The following PRKG1 variants were observed in gnomAD, a reference collection of about 807,000 sequenced individuals.
The protein encoded by PRKG1 is protein kinase cGMP-dependent 1.
A neutral mutation model predicts 88.1 loss-of-function variants in PRKG1; 35 were observed. That is an observed-to-expected ratio of 0.40 (90% confidence interval 0.30 to 0.53). The LOEUF (loss-of-function observed/expected upper bound fraction) is 0.53. PRKG1 is among the 20% of genes least tolerant of loss of function. The pLI is 0.59. For synonymous variants in PRKG1, 303 were observed against 292.5 expected (o/e 1.04, Z -0.37); for missense variants, 540 against 839.8 (o/e 0.64, Z 4.41).
At chr10:51,242,657 G>A (rs1225310675) in intron 2 of PRKG1, among the ~76,000 whole-genome samples, 1 of 152,112 alleles carries the variant, frequency 6.6e-6, no homozygotes, top group Non-Finnish European at 1.5e-5. Context: ...AAATGCAATT[G>A]CTATGTTGAT....
chr10:52,234,795 G>A (rs2132360052), intron 9 of PRKG1, among the ~76,000 whole-genome samples: 2 of 91,732 alleles, frequency 2.2e-5, no homozygotes, highest in Admixed American at 1.1e-4. Context: ...CCAACATTCA[G>A]ATTCAGGAAA....
At chr10:51,272,037 G>C (rs1839992643) in intron 2 of PRKG1, among the ~76,000 whole-genome samples, 3 of 152,194 alleles carry the variant, frequency 2.0e-5, no homozygotes, top group African/African-American at 7.2e-5. Flanking sequence ...CCCACGAACA[G>C]TGTAAAAGGG....
At chr10:51,325,617 T>G (rs1376599236) in intron 2 of PRKG1, among the ~76,000 whole-genome samples, 1 of 152,230 alleles carries the variant, frequency 6.6e-6, no homozygotes, top group Non-Finnish European at 1.5e-5. Flanking sequence ...TTTTAGCCCA[T>G]TGTAATTCCA....
At chr10:51,789,914 T>G (rs999793567) in intron 3 of PRKG1, among the ~76,000 whole-genome samples, 3 of 151,964 alleles carry the variant, frequency 2.0e-5, no homozygotes, top group African/African-American at 7.2e-5. Context: ...CTCTGCCTCC[T>G]GGGTTCAAGC....
At chr10:51,222,796 A>G (rs1188511423) in intron 2 of PRKG1, among the ~76,000 whole-genome samples, 6 of 152,066 alleles carry the variant, frequency 3.9e-5, no homozygotes, top group African/African-American at 1.4e-4. Flanking sequence ...CCTGCCCACA[A>G]CACCCCCTCT....
intron 5 of PRKG1, among the ~76,000 whole-genome samples, chr10:52,042,744 C>G (rs1391821177): frequency 6.6e-6 from 1 of 152,098 alleles, no homozygotes; most frequent in Non-Finnish European, 1.5e-5. Flanking sequence ...AACTCAAAAG[C>G]TTCTGCCCAG....
intron 3 of PRKG1, among the ~76,000 whole-genome samples, chr10:51,739,123 A>G (rs769516565): frequency 6.6e-6 from 1 of 152,228 alleles, no homozygotes; most frequent in African/African-American, 2.4e-5. Flanking sequence ...TTATAAAGTC[A>G]GTCCTGGATC....
rs539800418 is a variant in PRKG1, at chr10:51,617,856, G to T, written c.592+150020G>T. 9.4e-4 allele frequency among the ~76,000 whole-genome samples: 143 copies of T among 152,252 alleles called. 3 individuals are homozygous for T. In the South Asian group the frequency reaches 0.021, roughly 23 times the overall value. ...CTTGTTTTTCTCAAGCAAAGTATTG[G>T]TCATGCTTACATGGTGGCAAAGCAT... is the stretch of plus-strand genomic sequence containing the variant. On this transcript the variant is annotated intron_variant, in intron 3 of 17. Coordinates refer to ENST00000373980, the MANE Select transcript of PRKG1 (RefSeq NM_006258.4).
intron 9 of PRKG1, among the ~76,000 whole-genome samples, chr10:52,239,125 A>G (rs895740223): frequency 7.1e-5 from 8 of 112,760 alleles, no homozygotes; most frequent in Admixed American, 4.1e-4. Flanking sequence ...GAACAATGAG[A>G]TCACATGGAC....
intron 2 of PRKG1, among the ~76,000 whole-genome samples, chr10:51,215,559 G>T (rs1200812117): frequency 6.6e-6 from 1 of 152,116 alleles, no homozygotes; most frequent in African/African-American, 2.4e-5. Context: ...TTTTGCAGGG[G>T]GCATGGAGGA....
At chr10:51,407,053 T>C (rs1394382208) in intron 2 of PRKG1, among the ~76,000 whole-genome samples, 4 of 152,190 alleles carry the variant, frequency 2.6e-5, no homozygotes, top group Non-Finnish European at 5.9e-5. Flanking sequence ...TTCTGCCTGC[T>C]TTATATTCGC....
chr10:52,053,066 CATTCTATAAT>C (rs1414838571), intron 5 of PRKG1, among the ~76,000 whole-genome samples: 35 of 152,170 alleles, frequency 2.3e-4, no homozygotes, highest in African/African-American at 7.9e-4. Context: ...GAAGAATATG[CATTCTATAAT>C]ATTATTTTTA....
At chr10:51,260,872 A>C (rs1360393102) in intron 2 of PRKG1, among the ~76,000 whole-genome samples, 1 of 152,262 alleles carries the variant, frequency 6.6e-6, no homozygotes, top group Non-Finnish European at 1.5e-5. Context: ...TTTAGAATGT[A>C]GATTTTAGCA....
At chr10:51,847,827 C>A in intron 4 of PRKG1, among the ~76,000 whole-genome samples, 1 of 57,044 alleles carries the variant, frequency 1.8e-5, no homozygotes, top group African/African-American at 6.1e-5. Context: ...CATAGAGAGA[C>A]TCAAGACTCT....
intron 2 of PRKG1, among the ~76,000 whole-genome samples, chr10:51,340,523 T>C (rs143040075): frequency 6.6e-6 from 1 of 152,228 alleles, no homozygotes; most frequent in Non-Finnish European, 1.5e-5. Flanking sequence ...ATGTTAAACA[T>C]AGATGAATAT....
chr10:51,924,728 T>G (rs1248242936), intron 5 of PRKG1, among the ~76,000 whole-genome samples: 2 of 146,478 alleles, frequency 1.4e-5, no homozygotes, highest in Admixed American at 1.4e-4. Context: ...TTTTTTTTTT[T>G]GTCATTCCTG....
intron 5 of PRKG1, among the ~76,000 whole-genome samples, chr10:51,943,938 G>C (rs975168226): frequency 6.6e-6 from 1 of 151,920 alleles, no homozygotes. Flanking sequence ...GTCTCTGCCC[G>C]GCTTTGGTAT....
chr10:51,201,008 C>G (rs2132055723), intron 2 of PRKG1, among the ~76,000 whole-genome samples: 1 of 152,210 alleles, frequency 6.6e-6, no homozygotes, highest in Non-Finnish European at 1.5e-5. Flanking sequence ...AACATTCTGT[C>G]CTTAAGAATG....
intron 3 of PRKG1, among the ~76,000 whole-genome samples, chr10:51,557,344 CA>C (rs139123330): frequency 0.26 from 39,218 of 150,778 alleles, 7,041 homozygotes; most frequent in East Asian, 0.87. Flanking sequence ...CATACACCAC[CA>C]CCCCCCCACC....
Sources: allele counts gnomAD v4.1 joint callset (sites outside exome capture counted in the v4.1 genomes callset), GRCh38; gene constraint gnomAD v4.1.1; transcripts MANE v1.5; gene names NCBI Gene and HGNC (gene_info 2026-07-23, HGNC 2026-07-21).